Variants in ZFPM2 observed in about 807,000 individuals in gnomAD.
ZFPM2 encodes the protein zinc finger protein, FOG family member 2, also known as zinc finger protein ZFPM2.
Under a neutral mutation model 98.6 loss-of-function variants are expected in ZFPM2, and 20 were observed. That is an observed-to-expected ratio of 0.20 (90% CI 0.14 to 0.29). The LOEUF (loss-of-function observed/expected upper bound fraction) is 0.29, where lower values mean the gene tolerates loss of function less well. Among genes scored for constraint, ZFPM2 ranks in the 10% least tolerant of loss-of-function variants. The pLI is 1.00. For missense variants in ZFPM2, 1,310 were observed against 1,388.6 expected, an observed-to-expected ratio of 0.94 and a Z score of 0.90; for synonymous variants, 518 against 502.7, an observed-to-expected ratio of 1.03 and a Z score of -0.41.
chr8:105,424,854 G>C (rs1396381850), intron 2 of ZFPM2, among the ~76,000 whole-genome samples: 2 of 152,210 alleles, frequency 1.3e-5, no homozygotes, highest in African/African-American at 2.4e-5. Flanking sequence ...AGGAGAGAGA[G>C]AGAGGCAATA....
At chr8:105,584,698 A>G (rs1815675030) in intron 4 of ZFPM2, among the ~76,000 whole-genome samples, 1 of 152,222 alleles carries the variant, frequency 6.6e-6, no homozygotes, top group Non-Finnish European at 1.5e-5. Context: ...AACCCTTATC[A>G]TGTGGAGGCC....
chr8:105,634,988 G>T (rs1586164667), intron 5 of ZFPM2, among the ~76,000 whole-genome samples: 1 of 152,268 alleles, frequency 6.6e-6, no homozygotes. Context: ...GCAGCTCCAT[G>T]ATGGCACATT....
chr8:105,801,365 A>G lies in ZFPM2; in HGVS notation c.1283A>G (p.Gln428Arg). The G allele has an allele frequency of 3.1e-6, 5 of 1,613,964 alleles. No homozygotes were observed. The highest frequency in any genetic ancestry group is 3.4e-6 in the Non-Finnish European group (4 of 1,179,876). ...CTTCCCCAGAGCCAAAAGGCCATGC[A>G]GACTAAAGATGCGAGCTCTGACACA... ...SELPQSQKAM[Q>R]TKDASSDTEL... Residue 428 changes from glutamine (Q) to arginine (R), a missense_variant, in exon 8 of 8, where the codon CAG becomes CGG. Transcript: ENST00000407775.
rs539625788 is a variant in ZFPM2, at chr8:105,600,038, A to G, written c.421-34208A>G. Among the ~76,000 whole-genome samples the G allele has an allele frequency of 4.6e-5, 7 of 152,250 alleles. No individual in the cohort carries two copies. In the East Asian group the frequency reaches 1.2e-3, roughly 25 times the overall value. On this transcript the variant is annotated intron_variant, in intron 4 of 7. Coordinates refer to ENST00000407775, the MANE Select transcript of ZFPM2 (RefSeq NM_012082.4). ...TTATGTTGCAGGAACTTGTGGAAAT[A>G]TTGATTTTCATTTTATAGTGAATTT...
intron 4 of ZFPM2, among the ~76,000 whole-genome samples, chr8:105,576,270 T>C (rs916292049): frequency 1.3e-5 from 2 of 152,112 alleles, no homozygotes; most frequent in African/African-American, 4.8e-5. Context: ...TAGATGATGC[T>C]GAGATTTTTT....
intron 5 of ZFPM2, among the ~76,000 whole-genome samples, chr8:105,717,184 GATC>G (rs1010007411): frequency 7.9e-5 from 12 of 151,964 alleles, no homozygotes; most frequent in Non-Finnish European, 1.6e-4. Flanking sequence ...GAGCTTCTGG[GATC>G]ATATTAACCA....
chr8:105,526,901 T>TTCACA (rs952234029), intron 3 of ZFPM2, among the ~76,000 whole-genome samples: 1 of 152,168 alleles, frequency 6.6e-6, no homozygotes, highest in Non-Finnish European at 1.5e-5. Flanking sequence ...CATCCTGTCC[T>TTCACA]TCACATCTTA....
rs1812790419 is a variant in ZFPM2 at position 105,466,028 on chromosome 8, T to C, written c.301+21647T>C. Among the ~76,000 whole-genome samples the C allele has an allele frequency of 2.6e-5, 4 of 152,146 alleles. No homozygotes were observed. The South Asian group carries it at 8.3e-4, about 32-fold the overall frequency. On this transcript the variant is annotated intron_variant, in intron 3 of 7. Coordinates refer to ENST00000407775, the MANE Select transcript of ZFPM2 (RefSeq NM_012082.4). ...GTGAAGATTTTCTGCTGTATGTCTC[T>C]TTCTGTTGTAGGAAATAGCTGATAT...
intron 3 of ZFPM2, chr8:105,451,890 A>G (rs2130255812): frequency 6.6e-6 from 1 of 152,270 alleles, no homozygotes; most frequent in African/African-American, 2.4e-5. Context: ...TATTTTAAAT[A>G]TTGTCTAAAC....
intron 3 of ZFPM2, among the ~76,000 whole-genome samples, chr8:105,514,540 C>T (rs1813882082): frequency 6.6e-6 from 1 of 152,108 alleles, no homozygotes; most frequent in African/African-American, 2.4e-5. Flanking sequence ...GTCTCACACC[C>T]AGCTCTGTTG....
At chr8:105,355,563 T>C (rs1812725468) in intron 1 of ZFPM2, among the ~76,000 whole-genome samples, 1 of 152,212 alleles carries the variant, frequency 6.6e-6, no homozygotes, top group African/African-American at 2.4e-5. Context: ...TGCTTTTTAA[T>C]TTTATGATCG....
chr8:105,384,116 C>T (rs1289460802), intron 1 of ZFPM2, among the ~76,000 whole-genome samples: 1 of 151,964 alleles, frequency 6.6e-6, no homozygotes, highest in Non-Finnish European at 1.5e-5. Context: ...AGACACAATC[C>T]CGTGGACACC....
intron 3 of ZFPM2, among the ~76,000 whole-genome samples, chr8:105,456,146 G>GTTTTTTTTTTTTTTTT: frequency 1.1e-5 from 1 of 93,346 alleles, no homozygotes; most frequent in South Asian, 4.1e-4. Flanking sequence ...CCAGGAAAAT[G>GTTTTTTTTTTTTTTTT]TTTTTTTTTG....
chr8:105,475,461 G>A (rs1812995296), intron 3 of ZFPM2, among the ~76,000 whole-genome samples: 1 of 152,158 alleles, frequency 6.6e-6, no homozygotes, highest in Non-Finnish European at 1.5e-5. Flanking sequence ...ACCTTTGATT[G>A]TTGGCAGAGA....
Position 105,721,258 on chromosome 8 carries a change from C to T in ZFPM2, c.533-67460C>T, listed in dbSNP as rs190323371. ...CCGTCTGCCTTTGGTTGAAAAAAAT[C>T]GTGTTTAAGTGGATCTGCAAACCCA... On this transcript the variant is annotated intron_variant, in intron 5 of 7. Transcript: ENST00000407775. 2.3e-4 allele frequency among the ~76,000 whole-genome samples: 35 copies of T among 152,002 alleles called. No homozygotes were observed. The South Asian group carries it at 2.9e-3, about 13-fold the overall frequency.
intron 3 of ZFPM2, among the ~76,000 whole-genome samples, chr8:105,555,672 C>A (rs775917826): frequency 6.6e-6 from 1 of 152,032 alleles, no homozygotes; most frequent in Non-Finnish European, 1.5e-5. Flanking sequence ...GAGAAACCTA[C>A]TAGGGAATAA....
chr8:105,735,314 C>A (rs1370166344), intron 5 of ZFPM2, among the ~76,000 whole-genome samples: 1 of 151,048 alleles, frequency 6.6e-6, no homozygotes, highest in Non-Finnish European at 1.5e-5. Flanking sequence ...CTTTTAAGGA[C>A]CTAATTCTCT....
intron 2 of ZFPM2, among the ~76,000 whole-genome samples, chr8:105,439,206 C>CAGA (rs1812187542): frequency 1.3e-5 from 2 of 152,078 alleles, no homozygotes; most frequent in Admixed American, 1.3e-4. Flanking sequence ...AATAACTTCT[C>CAGA]TAAGTGGTTC....
intron 1 of ZFPM2, among the ~76,000 whole-genome samples, chr8:105,373,747 A>C (rs1563627167): frequency 6.6e-6 from 1 of 152,228 alleles, no homozygotes; most frequent in Non-Finnish European, 1.5e-5. Flanking sequence ...GAAAAATGGA[A>C]ACTATGTTTT....
Sources: allele counts gnomAD v4.1 joint callset (sites outside exome capture counted in the v4.1 genomes callset), GRCh38; gene constraint gnomAD v4.1.1; transcripts MANE v1.5; gene names NCBI Gene and HGNC (gene_info 2026-07-23, HGNC 2026-07-21).